Variants in NAALADL2 observed in about 807,000 individuals in gnomAD.
The protein encoded by NAALADL2 is inactive N-acetylated-alpha-linked acidic dipeptidase-like protein 2.
In NAALADL2, 76 loss-of-function variants were observed where a neutral mutation model predicts 87.2. The observed-to-expected ratio is 0.87, with a 90% CI of 0.72 to 1.05. NAALADL2 has a LOEUF of 1.05. Ranked by LOEUF, NAALADL2 falls within the 50% of genes least tolerant of loss-of-function variation. The pLI is 0.00. For synonymous variants in NAALADL2, 354 were observed against 331.0 expected (o/e 1.07, Z -0.75); for missense variants, 1,089 against 945.8 (o/e 1.15, Z -1.99).
At chr3:174,669,152 T>C (rs587705) in intron 2 of NAALADL2, among the ~76,000 whole-genome samples, 2 of 151,818 alleles carry the variant, frequency 1.3e-5, no homozygotes, top group African/African-American at 4.8e-5. Flanking sequence ...GTTTTGATTT[T>C]CATTTCTCTG....
intron 3 of NAALADL2, among the ~76,000 whole-genome samples, chr3:174,787,580 T>TATATATATATATATATATATATAC (rs1716837142): frequency 5.0e-5 from 2 of 40,176 alleles, no homozygotes; most frequent in African/African-American, 8.8e-5. Flanking sequence ...TATCATCATA[T>TATATATATATATATATATATATAC]ATATATATAT....
At chr3:174,863,007 T>C (rs1413419254) in intron 1 of NAALADL2, among the ~76,000 whole-genome samples, 1 of 152,072 alleles carries the variant, frequency 6.6e-6, no homozygotes, top group Non-Finnish European at 1.5e-5. Context: ...CAGCAGGAGA[T>C]AACTCTTCAA....
intron 3 of NAALADL2, among the ~76,000 whole-genome samples, chr3:174,845,891 T>G (rs1437100916): frequency 5.9e-5 from 9 of 152,046 alleles, no homozygotes. Context: ...ATGGACGAGG[T>G]TGGTGGTCAT....
chr3:175,543,437 T>A (rs1354913716), intron 9 of NAALADL2, among the ~76,000 whole-genome samples: 1 of 152,160 alleles, frequency 6.6e-6, no homozygotes, highest in Non-Finnish European at 1.5e-5. Context: ...TTAGTCCATT[T>A]TCATACTGCT....
intron 4 of NAALADL2, among the ~76,000 whole-genome samples, chr3:175,311,712 CTCCT>C (rs764336575): frequency 1.4e-4 from 21 of 150,098 alleles, no homozygotes; most frequent in East Asian, 3.9e-4. Context: ...CTCTCCCTCC[CTCCT>C]TCCTTCCTTC....
Position 175,467,148 on chromosome 3 carries a change from A to C in NAALADL2, c.1497A>C (p.Thr499=), listed in dbSNP as rs1724190155. ...RTIVFCSWGG[T]AFGNIGSYEW... ...TTGTTTTCTGTTCTTGGGGAGGAAC[A>C]GCTTTTGGCAATATTGGCTCATATG... Residue 499 remains threonine, a synonymous_variant, in exon 8 of 14, where the codon ACA becomes ACC. Transcript: ENST00000454872. 3.1e-6 allele frequency: 5 copies of C among 1,613,916 alleles called. No individual in the cohort carries two copies. Among genetic ancestry groups the C allele is most frequent in the Non-Finnish European group, 4.2e-6 (5 of 1,179,818 alleles).
At chr3:175,629,410 A>AAT (rs1252522156) in intron 11 of NAALADL2, among the ~76,000 whole-genome samples, 2 of 150,218 alleles carry the variant, frequency 1.3e-5, no homozygotes, top group East Asian at 1.9e-4. Flanking sequence ...AAATACAATG[A>AAT]ATATATATAT....
chr3:175,772,672 C>T (rs1473047759), intron 13 of NAALADL2, among the ~76,000 whole-genome samples: 2 of 152,164 alleles, frequency 1.3e-5, no homozygotes, highest in African/African-American at 2.4e-5. Flanking sequence ...ATCTCAGAGA[C>T]ATCAGTTATA....
chr3:174,571,227 T>C (rs1714877719), intron 2 of NAALADL2, among the ~76,000 whole-genome samples: 1 of 152,220 alleles, frequency 6.6e-6, no homozygotes, highest in Non-Finnish European at 1.5e-5. Flanking sequence ...GTTAATATTA[T>C]CTGATTTTAG....
chr3:174,801,017 C>T (rs1718767784), intron 3 of NAALADL2, among the ~76,000 whole-genome samples: 1 of 152,168 alleles, frequency 6.6e-6, no homozygotes, highest in Non-Finnish European at 1.5e-5. Context: ...TTTGATTTTA[C>T]AGAGTCATAG....
At chr3:175,693,661 A>C (rs908007014) in intron 11 of NAALADL2, among the ~76,000 whole-genome samples, 1 of 152,096 alleles carries the variant, frequency 6.6e-6, no homozygotes, top group African/African-American at 2.4e-5. Flanking sequence ...TTAAAAAAAA[A>C]TTCTCAGAAA....
At chr3:174,671,383 A>G (rs1202362570) in intron 2 of NAALADL2, among the ~76,000 whole-genome samples, 1 of 152,060 alleles carries the variant, frequency 6.6e-6, no homozygotes, top group Non-Finnish European at 1.5e-5. Flanking sequence ...TATAAAAATT[A>G]CTAATTACCT....
chr3:174,613,647 G>T (rs1320954797), intron 2 of NAALADL2, among the ~76,000 whole-genome samples: 2 of 152,168 alleles, frequency 1.3e-5, no homozygotes. Context: ...CTTGTAGTGA[G>T]TGCTACCTTG....
intron 3 of NAALADL2, among the ~76,000 whole-genome samples, chr3:174,805,116 A>G (rs1719307253): frequency 6.6e-6 from 1 of 152,278 alleles, no homozygotes; most frequent in East Asian, 1.9e-4. Context: ...TGGAACTCAA[A>G]CCATGTTAGC....
chr3:175,448,035 C>A (rs1488556569), intron 6 of NAALADL2, among the ~76,000 whole-genome samples: 1 of 152,194 alleles, frequency 6.6e-6, no homozygotes, highest in African/African-American at 2.4e-5. Context: ...ACCTTGTGGG[C>A]TCTTTTTTGT....
intron 1 of NAALADL2, among the ~76,000 whole-genome samples, chr3:174,871,073 T>A (rs868812665): frequency 2.0e-4 from 31 of 152,212 alleles, no homozygotes; most frequent in African/African-American, 7.0e-4. Context: ...AATTCAAGAA[T>A]GTTTTGACCA....
chr3:175,533,491 G>A (rs548750888), intron 9 of NAALADL2, among the ~76,000 whole-genome samples: 1 of 152,302 alleles, frequency 6.6e-6, no homozygotes, highest in East Asian at 1.9e-4. Context: ...AAGGCTGATG[G>A]CAGCATGGGT....
chr3:174,980,449 A>G (rs983793907), intron 1 of NAALADL2, among the ~76,000 whole-genome samples: 2 of 152,160 alleles, frequency 1.3e-5, no homozygotes, highest in Non-Finnish European at 2.9e-5. Context: ...GCAGTCTGCT[A>G]TGATCAAGCC....
chr3:175,220,748 G>A (rs977471975), intron 2 of NAALADL2, among the ~76,000 whole-genome samples: 1 of 151,340 alleles, frequency 6.6e-6, no homozygotes, highest in African/African-American at 2.4e-5. Context: ...TTATATCATT[G>A]CCTCTTTCTA....
Sources: allele counts gnomAD v4.1 joint callset (sites outside exome capture counted in the v4.1 genomes callset), GRCh38; gene constraint gnomAD v4.1.1; transcripts MANE v1.5; gene names NCBI Gene and HGNC (gene_info 2026-07-23, HGNC 2026-07-21).